Variants in ANO10 observed in about 807,000 individuals in gnomAD.
ANO10 encodes the protein anoctamin 10.
A neutral mutation model predicts 74.7 loss-of-function variants in ANO10; 77 were observed. The ratio of observed to expected loss-of-function variants is 1.03; its 90% CI spans 0.86 to 1.25. The LOEUF is 1.25. Among genes scored for constraint, ANO10 ranks in the 50% most tolerant of loss-of-function variants. ANO10 has a pLI of 0.00. For missense variants in ANO10, 721 were observed against 778.1 expected (o/e 0.93, Z 0.87); for synonymous variants, 279 against 284.9 (o/e 0.98, Z 0.21).
intron 1 of ANO10, among the ~76,000 whole-genome samples, chr3:43,665,666 CAT>C (rs1202659522): frequency 1.3e-5 from 2 of 152,282 alleles, no homozygotes; most frequent in Admixed American, 6.5e-5. Flanking sequence ...TTTCTAAAAA[CAT>C]ATTGCTCCTG....
At chr3:43,461,127 A>G (rs1443850308) in intron 11 of ANO10, among the ~76,000 whole-genome samples, 1 of 152,190 alleles carries the variant, frequency 6.6e-6, no homozygotes, top group Non-Finnish European at 1.5e-5. Flanking sequence ...CTCTAGCTAA[A>G]CTAATTAAGA....
At chr3:43,492,740 C>T (rs567325239) in intron 11 of ANO10, among the ~76,000 whole-genome samples, 66 of 152,242 alleles carry the variant, frequency 4.3e-4, no homozygotes, top group African/African-American at 1.5e-3. Context: ...CAATGAGATA[C>T]TATCTCATGC....
upstream of ANO10, among the ~76,000 whole-genome samples, chr3:43,623,657 T>C (rs1006047117): frequency 6.6e-6 from 1 of 152,204 alleles, no homozygotes; most frequent in Non-Finnish European, 1.5e-5. Context: ...CCCACCCTTC[T>C]CTGGGTCTTC....
At chr3:43,580,275 G>T (rs1228874340) in intron 5 of ANO10, 78 bp downstream of exon 5, 4 of 1,589,782 alleles carry the variant, frequency 2.5e-6, no homozygotes, top group Non-Finnish European at 3.4e-6. Context: ...CTGCCCAAGG[G>T]AGCTGACTCC....
chr3:43,517,740 T>C (rs1559639721), intron 11 of ANO10, among the ~76,000 whole-genome samples: 1 of 152,222 alleles, frequency 6.6e-6, no homozygotes. Flanking sequence ...ATACTACGTG[T>C]GACCAAAATG....
intron 1 of ANO10, among the ~76,000 whole-genome samples, chr3:43,679,340 T>C (rs867095953): frequency 1.3e-5 from 2 of 152,164 alleles, no homozygotes; most frequent in Non-Finnish European, 2.9e-5. Context: ...GCCTCGCTGA[T>C]TGCTAGCACG....
intron 7 of ANO10, among the ~76,000 whole-genome samples, chr3:43,566,845 C>T (rs535038852): frequency 2.4e-4 from 36 of 152,176 alleles, no homozygotes; most frequent in Admixed American, 5.9e-4. Flanking sequence ...ATAACTTTGA[C>T]GAGCTGAGAG....
chr3:43,504,161 G>A (rs1460426852), intron 11 of ANO10, among the ~76,000 whole-genome samples: 2 of 152,006 alleles, frequency 1.3e-5, no homozygotes, highest in East Asian at 1.9e-4. Flanking sequence ...CCAGCTACTC[G>A]GGATGCTGAG....
chr3:43,423,323 G>A (rs566318406), intron 12 of ANO10, among the ~76,000 whole-genome samples: 85 of 151,996 alleles, frequency 5.6e-4, no homozygotes, highest in African/African-American at 2.0e-3. Context: ...TTAATATATT[G>A]GCTTGTGAAT....
rs1468866792 is a variant in ANO10, at chr3:43,489,787, G to A, written c.1798-57060C>T. Among the ~76,000 whole-genome samples, 4 of 151,960 alleles carry A rather than the reference G, an allele frequency of 2.6e-5. No homozygotes were observed. The East Asian group carries it at 7.7e-4, about 29-fold the overall frequency. On this transcript the variant is annotated intron_variant, in intron 11 of 12. Coordinates refer to ENST00000292246, the MANE Select transcript of ANO10 (RefSeq NM_018075.5). ...TAGAAGACTAGTTTGCTACAAAACA[G>A]TCTCTTTGCCTGGTGAAAAAAACAA... is the stretch of plus-strand genomic sequence containing the variant.
intron 11 of ANO10, among the ~76,000 whole-genome samples, chr3:43,452,665 T>C (rs1008188208): frequency 4.6e-5 from 7 of 152,218 alleles, no homozygotes; most frequent in African/African-American, 1.7e-4. Flanking sequence ...TGTGCAGACA[T>C]GTGTTTTAAT....
At chr3:43,565,988 C>A (rs931879970) in intron 7 of ANO10, among the ~76,000 whole-genome samples, 2 of 152,090 alleles carry the variant, frequency 1.3e-5, no homozygotes, top group African/African-American at 4.8e-5. Flanking sequence ...GCACCGTGTG[C>A]GAGCCGAAGC....
Position 43,683,435 on chromosome 3 carries a change from C to T in ANO10, c.-12+8082G>A, listed in dbSNP as rs141214020. On this transcript the variant is annotated intron_variant, in intron 1 of 3. Coordinates refer to the ANO10 transcript ENST00000413397. ...CTGCTCAATGAAACAAAAGAGGATA[C>T]AAACAAATGGAAGAACATTCCATGC... Among the ~76,000 whole-genome samples, 99 of 152,234 alleles carry T rather than the reference C, an allele frequency of 6.5e-4. 2 individuals carry two copies. The highest frequency in any genetic ancestry group is 2.3e-3 in the African/African-American group (96 of 41,526).
intron 12 of ANO10, among the ~76,000 whole-genome samples, chr3:43,399,854 T>C (rs1559509024): frequency 6.6e-6 from 1 of 152,176 alleles, no homozygotes; most frequent in Non-Finnish European, 1.5e-5. Context: ...AAGTCCAGAA[T>C]AACTTGGAGA....
chr3:43,517,367 G>T (rs1471370373), intron 11 of ANO10, among the ~76,000 whole-genome samples: 1 of 152,012 alleles, frequency 6.6e-6, no homozygotes, highest in Non-Finnish European at 1.5e-5. Flanking sequence ...GTCCATTATG[G>T]TCCTACTGTC....
At chr3:43,636,274 A>T (rs2149561425) in intron 1 of ANO10, 1 of 152,350 alleles carries the variant, frequency 6.6e-6, no homozygotes, top group East Asian at 1.9e-4. Context: ...TCAGTGAGGG[A>T]GCTGGTTGAG....
chr3:43,570,347 T>G (rs1192438531), intron 7 of ANO10, among the ~76,000 whole-genome samples: 2 of 151,112 alleles, frequency 1.3e-5, no homozygotes, highest in African/African-American at 2.4e-5. Context: ...AAAGTTCATA[T>G]GGAACCAAAA....
chr3:43,366,910 G>T lies in ANO10; in HGVS notation c.1979C>A (p.Thr660Asn). ...GCAGCTGGGCACGCTGGGCACTCAG[G>T]TTGCCTTCTCCTTCCCGCTTTCCAT... The part of the protein sequence containing the change: ...EPMESGKEKA[T>N] The change falls in exon 13 of 13, where the codon ACC becomes AAC. Residue 660 changes from threonine to asparagine, a missense_variant. Physicochemically the swap from Thr to Asn is moderately conservative, Grantham distance 65 (BLOSUM62 0). Coordinates refer to ENST00000292246, the MANE Select transcript of ANO10 (RefSeq NM_018075.5). The T allele has an allele frequency of 1.9e-6, 3 of 1,590,490 alleles. No individual in the cohort carries two copies. Among genetic ancestry groups the T allele is most frequent in the Non-Finnish European group, 2.6e-6 (3 of 1,168,284 alleles).
intron 11 of ANO10, among the ~76,000 whole-genome samples, chr3:43,465,997 G>T (rs972343875): frequency 1.7e-4 from 26 of 152,140 alleles, no homozygotes; most frequent in Non-Finnish European, 2.5e-4. Context: ...CTCTGGGAAT[G>T]CAGAGAATCC....
Sources: gnomAD v4.1 joint callset for allele counts (sites outside exome capture counted in the v4.1 genomes callset) on GRCh38, gnomAD v4.1.1 for gene constraint, MANE v1.5 for transcripts, NCBI Gene and HGNC (gene_info 2026-07-23, HGNC 2026-07-21) for gene names.